The following TCF12 variants were observed in gnomAD, a reference collection of about 807,000 sequenced individuals.
TCF12 encodes transcription factor 12, also known as DNA-binding protein HTF4.
TCF12 carries 45 observed loss-of-function variants against 86.0 expected under a neutral mutation model. The observed-to-expected ratio is 0.52, with a 90% CI of 0.41 to 0.67. The LOEUF (loss-of-function observed/expected upper bound fraction) is 0.67, where lower values mean the gene tolerates loss of function less well. Ranked by LOEUF, TCF12 falls within the 30% of genes least tolerant of loss-of-function variation. The pLI, the probability that TCF12 is intolerant of heterozygous loss-of-function variation, is 0.00. For missense variants in TCF12, 881 were observed against 859.9 expected (o/e 1.02, Z -0.31); for synonymous variants, 330 against 299.6 (o/e 1.10, Z -1.05).
intron 8 of TCF12, among the ~76,000 whole-genome samples, chr15:57,199,047 G>C (rs2057407219): frequency 6.6e-6 from 1 of 152,176 alleles, no homozygotes; most frequent in Non-Finnish European, 1.5e-5. Context: ...GCCTAGGGCA[G>C]CTGTGCTCTG....
At chr15:57,154,006 AAAAAG>A (rs1413703615) in intron 5 of TCF12, among the ~76,000 whole-genome samples, 10 of 152,076 alleles carry the variant, frequency 6.6e-5, no homozygotes, top group African/African-American at 2.4e-4. Context: ...TTAAAAAAAA[AAAAAG>A]AAAAGAAAAA....
In TCF12 at chr15:57,135,490, G is replaced by A. The variant is rs549142291; in HGVS notation, c.326-30912G>A. 1.3e-4 allele frequency among the ~76,000 whole-genome samples: 20 copies of A among 152,194 alleles called. No individual in the cohort carries two copies. The East Asian group carries it at 3.7e-3, about 28-fold the overall frequency. ...AAAATGAATTTTCCTCTCAAGATTAGAAAGTTGTCTGTATCAACCTTAAAG... is the reference window on the plus strand; with the variant it reads ...AAAATGAATTTTCCTCTCAAGATTAAAAAGTTGTCTGTATCAACCTTAAAG... On this transcript the variant is annotated intron_variant, in intron 5 of 20. Transcript: ENST00000333725.
At position 57,274,459 on chromosome 15, in the gene TCF12, G is replaced by A. The variant is rs114479442; in HGVS notation, c.1978+1197G>A. Reference sequence around the variant, plus strand: ...ATATCTGTGGAGTATAAATGTTAATGAAACCTAATCTTCAAGTAATTATAG... The same window carrying A: ...ATATCTGTGGAGTATAAATGTTAATAAAACCTAATCTTCAAGTAATTATAG... On this transcript the variant is annotated intron_variant, in intron 19 of 20. Coordinates refer to ENST00000333725, the MANE Select transcript of TCF12 (RefSeq NM_207037.2). Among the ~76,000 whole-genome samples, 177 of 152,290 alleles carry A rather than the reference G, an allele frequency of 1.2e-3. 1 individual carries two copies. The highest frequency in any genetic ancestry group is 4.0e-3 in the African/African-American group (165 of 41,556).
chr15:57,172,311 C>T (rs1200033669), intron 6 of TCF12, among the ~76,000 whole-genome samples: 16 of 152,168 alleles, frequency 1.1e-4, no homozygotes, highest in African/African-American at 3.9e-4. Context: ...TTGAATACTT[C>T]TGTCTTAGCA....
intron 8 of TCF12, chr15:57,219,740 CG>C (rs2058497351): frequency 7.3e-6 from 3 of 408,916 alleles, no homozygotes; most frequent in East Asian, 4.1e-5. Context: ...TTTTTTTTTG[CG>C]GGGGGACGGA....
intron 6 of TCF12, among the ~76,000 whole-genome samples, chr15:57,171,537 G>A (rs1450391249): frequency 6.6e-6 from 1 of 152,162 alleles, no homozygotes; most frequent in Non-Finnish European, 1.5e-5. Context: ...TCCCCAAGGA[G>A]CATTAACTCT....
chr15:56,967,161 A>G lies in TCF12; in HGVS notation c.148+46063A>G, dbSNP rs1216662240. On this transcript the variant is annotated intron_variant, in intron 3 of 20. Coordinates refer to ENST00000333725, the MANE Select transcript of TCF12 (RefSeq NM_207037.2). ...CTCCCCCACCAAAAAAAAAATATTA[A>G]GTTGACTTGGTTTCATAATTATTGA... 5.3e-5 allele frequency among the ~76,000 whole-genome samples: 8 copies of G among 152,000 alleles called. No homozygotes were observed. In the East Asian group the frequency reaches 1.5e-3, roughly 29 times the overall value.
At chr15:57,040,879 A>G (rs550968094) in intron 3 of TCF12, among the ~76,000 whole-genome samples, 6 of 152,290 alleles carry the variant, frequency 3.9e-5, no homozygotes, top group South Asian at 4.1e-4. Flanking sequence ...GAATGTTATT[A>G]TAGTCAAAAT....
intron 3 of TCF12, among the ~76,000 whole-genome samples, chr15:57,056,767 G>GT (rs1408826156): frequency 1.4e-5 from 2 of 147,324 alleles, no homozygotes; most frequent in Non-Finnish European, 3.0e-5. Flanking sequence ...CTTAATTTTA[G>GT]TTTTTTTTAA....
At chr15:57,278,347 GA>G (rs1391102138) in intron 19 of TCF12, among the ~76,000 whole-genome samples, 1 of 152,108 alleles carries the variant, frequency 6.6e-6, no homozygotes, top group Non-Finnish European at 1.5e-5. Flanking sequence ...TCCAAGGAAA[GA>G]AAATGGAATT....
At chr15:57,172,630 G>A (rs546871964) in intron 6 of TCF12, among the ~76,000 whole-genome samples, 2 of 152,294 alleles carry the variant, frequency 1.3e-5, no homozygotes, top group African/African-American at 4.8e-5. Context: ...CCTCCTTGAA[G>A]GTAGAGGGTG....
intron 15 of TCF12, among the ~76,000 whole-genome samples, chr15:57,252,710 T>G (rs1187012445): frequency 6.6e-6 from 1 of 152,216 alleles, no homozygotes; most frequent in African/African-American, 2.4e-5. Context: ...TTTGATTTTT[T>G]TAATTCTAAT....
At chr15:57,224,111 A>G (rs143067351) in intron 8 of TCF12, among the ~76,000 whole-genome samples, 1 of 152,118 alleles carries the variant, frequency 6.6e-6, no homozygotes, top group East Asian at 1.9e-4. Context: ...AGCTCCTGCT[A>G]GTTTTACATA....
At chr15:57,123,982 A>AAAAAAAAAAAAAAAAAG (rs1555511574) in intron 5 of TCF12, among the ~76,000 whole-genome samples, 1 of 111,214 alleles carries the variant, frequency 9.0e-6, no homozygotes, top group Non-Finnish European at 2.1e-5. Flanking sequence ...AAAAAAAAAA[A>AAAAAAAAAAAAAAAAAG]TTTTTTTTTT....
chr15:57,116,960 C>T (rs757942150), intron 5 of TCF12, among the ~76,000 whole-genome samples: 2 of 151,932 alleles, frequency 1.3e-5, no homozygotes, highest in Non-Finnish European at 2.9e-5. Flanking sequence ...TAAAGGTTTC[C>T]AGATTTCATC....
chr15:57,077,335 G>A (rs763074127), intron 4 of TCF12, among the ~76,000 whole-genome samples: 2 of 14,230 alleles, frequency 1.4e-4, no homozygotes, highest in East Asian at 0.012. Flanking sequence ...ATATGTGTGT[G>A]TGTGTGTGTG....
intron 4 of TCF12, among the ~76,000 whole-genome samples, chr15:57,073,102 T>A (rs1372674557): frequency 6.6e-6 from 1 of 152,230 alleles, no homozygotes; most frequent in South Asian, 2.1e-4. Flanking sequence ...CAACACTTAC[T>A]GAGAGGCTTT....
chr15:56,998,728 C>A (rs2141027288), intron 3 of TCF12, among the ~76,000 whole-genome samples: 1 of 152,230 alleles, frequency 6.6e-6, no homozygotes, highest in Admixed American at 6.5e-5. Context: ...CCAACAGCAG[C>A]AGAATATACA....
intron 4 of TCF12, among the ~76,000 whole-genome samples, chr15:57,072,154 T>A (rs1277965182): frequency 6.6e-6 from 1 of 152,156 alleles, no homozygotes; most frequent in East Asian, 1.9e-4. Flanking sequence ...AAATAAGACT[T>A]GGATTGGGAG....
Sources: allele counts gnomAD v4.1 joint callset (sites outside exome capture counted in the v4.1 genomes callset), GRCh38; gene constraint gnomAD v4.1.1; transcripts MANE v1.5; gene names NCBI Gene and HGNC (gene_info 2026-07-23, HGNC 2026-07-21).